The following PRIMA1 variants were observed in gnomAD, a reference collection of about 807,000 sequenced individuals.
PRIMA1 encodes the protein proline rich membrane anchor 1.
A neutral mutation model predicts 17.5 loss-of-function variants in PRIMA1; 7 were observed. That is an observed-to-expected ratio of 0.40 (90% CI 0.23 to 0.75). PRIMA1 has a LOEUF of 0.75. Among genes scored for constraint, PRIMA1 ranks in the 30% least tolerant of loss-of-function variants. The pLI is 0.37. For synonymous variants in PRIMA1, 97 were observed against 77.9 expected, an observed-to-expected ratio of 1.25 and a Z score of -1.29; for missense variants, 200 against 201.8, an observed-to-expected ratio of 0.99 and a Z score of 0.05.
intron 3 of PRIMA1, among the ~76,000 whole-genome samples, chr14:93,766,692 T>A (rs768693170): frequency 6.6e-6 from 1 of 152,078 alleles, no homozygotes; most frequent in Non-Finnish European, 1.5e-5. Context: ...TCCTCAGCCC[T>A]GAAGGTGAAT....
intron 3 of PRIMA1, among the ~76,000 whole-genome samples, chr14:93,742,839 G>C (rs958833743): frequency 9.2e-5 from 14 of 152,286 alleles, no homozygotes; most frequent in Admixed American, 6.5e-4. Context: ...TCCCCTTTCA[G>C]AAGTGGAGAA....
In PRIMA1 at chr14:93,720,571, T is replaced by G. The variant is rs1202331444; in HGVS notation, c.*873A>C. The stretch of plus-strand genomic sequence containing the variant: ...CTGGTACAGCAGGCCCACAGTGGAT[T>G]TGGCACAAGTAGTGGCCTCTGCTGA... On this transcript the variant is annotated 3_prime_UTR_variant, in exon 5 of 5. Transcript: ENST00000393140. 1 of 152,956 alleles carries G rather than the reference T, an allele frequency of 6.5e-6. No homozygotes were observed. Among genetic ancestry groups the G allele is most frequent in the East Asian group, 1.9e-4 (1 of 5,198 alleles). The allele number at this position is 152,956 out of a possible 1,614,324, so 9.5% of individuals were successfully genotyped here.
rs2076018647 is a variant in PRIMA1, at chr14:93,718,644, T to C, written c.*2800A>G. The C allele has an allele frequency of 1.3e-5, 2 of 152,068 alleles. No individual in the cohort carries two copies. Among genetic ancestry groups the C allele is most frequent in the South Asian group, 4.2e-4 (2 of 4,814 alleles). The allele number at this position is 152,068 out of a possible 1,614,324, so 9.4% of individuals were successfully genotyped here. Reference sequence around the variant, plus strand: ...TACAGTAGTTGTATTTATATATATATATATATGTAGAGATCTCTTTAAATA... The same window carrying C: ...TACAGTAGTTGTATTTATATATATACATATATGTAGAGATCTCTTTAAATA... On this transcript the variant is annotated 3_prime_UTR_variant, in exon 5 of 5. Transcript: ENST00000393140.
intron 3 of PRIMA1, among the ~76,000 whole-genome samples, chr14:93,761,988 C>T (rs910985147): frequency 1.3e-5 from 2 of 152,230 alleles, no homozygotes; most frequent in African/African-American, 4.8e-5. Context: ...ACACCCCTCA[C>T]ATGGTATTGC....
intron 3 of PRIMA1, among the ~76,000 whole-genome samples, chr14:93,755,202 T>A (rs1282365901): frequency 6.6e-6 from 1 of 152,228 alleles, no homozygotes; most frequent in Non-Finnish European, 1.5e-5. Context: ...GATTCCCATG[T>A]ATCTTTCAAG....
chr14:93,738,757 C>T (rs1000786244), intron 3 of PRIMA1, among the ~76,000 whole-genome samples: 4 of 152,158 alleles, frequency 2.6e-5, no homozygotes, highest in African/African-American at 9.7e-5. Flanking sequence ...CAGTGGAAGC[C>T]GCACCTTCAG....
At chr14:93,732,850 A>G (rs1219726051) in intron 4 of PRIMA1, among the ~76,000 whole-genome samples, 2 of 152,174 alleles carry the variant, frequency 1.3e-5, no homozygotes, top group Non-Finnish European at 2.9e-5. Flanking sequence ...TGGGAAGGGA[A>G]CAGGCCTGGG....
At chr14:93,765,484 G>A (rs891272010) in intron 3 of PRIMA1, among the ~76,000 whole-genome samples, 6 of 150,118 alleles carry the variant, frequency 4.0e-5, no homozygotes, top group Admixed American at 2.0e-4. Context: ...CCTTGGCAGA[G>A]TGGCCACCCT....
At chr14:93,748,834 T>G (rs1295388147) in intron 3 of PRIMA1, among the ~76,000 whole-genome samples, 1 of 152,008 alleles carries the variant, frequency 6.6e-6, no homozygotes, top group Non-Finnish European at 1.5e-5. Flanking sequence ...TATTAATAAT[T>G]GTCTCCATCA....
intron 3 of PRIMA1, among the ~76,000 whole-genome samples, chr14:93,763,880 G>A (rs1005897356): frequency 4.6e-5 from 7 of 151,892 alleles, no homozygotes; most frequent in Non-Finnish European, 5.9e-5. Context: ...GGGCTAGCCC[G>A]GGCCTCTGTC....
intron 3 of PRIMA1, among the ~76,000 whole-genome samples, chr14:93,741,954 C>A (rs12887540): frequency 1.3e-3 from 196 of 152,276 alleles, no homozygotes; most frequent in African/African-American, 4.6e-3. Flanking sequence ...ACACTCCTGA[C>A]GCCTGTAAAG....
intron 4 of PRIMA1, 71 bp downstream of exon 4, chr14:93,737,170 G>A (rs1290289266): frequency 2.7e-6 from 4 of 1,456,942 alleles, no homozygotes; most frequent in Middle Eastern, 1.8e-4. Flanking sequence ...GATACGGGAT[G>A]TGTGTAGGAG....
At chr14:93,747,794 G>A (rs1257340060) in intron 3 of PRIMA1, among the ~76,000 whole-genome samples, 1 of 43,978 alleles carries the variant, frequency 2.3e-5, no homozygotes, top group Non-Finnish European at 6.7e-5. Flanking sequence ...GTATGTGAGA[G>A]TGTAAGGGGA....
At chr14:93,754,620 ACTT>A (rs2076279929) in intron 3 of PRIMA1, among the ~76,000 whole-genome samples, 1 of 152,134 alleles carries the variant, frequency 6.6e-6, no homozygotes, top group Admixed American at 6.6e-5. Flanking sequence ...AGGGAATTAA[ACTT>A]CTCGGCAAGG....
chr14:93,737,015 AAAAGATC>A (rs2076153901), intron 4 of PRIMA1, among the ~76,000 whole-genome samples: 1 of 152,246 alleles, frequency 6.6e-6, no homozygotes, highest in Admixed American at 6.5e-5. Context: ...TCGGCAATGA[AAAAGATC>A]AAAGGAAAAA....
At chr14:93,721,583 G>T (rs760113717) in intron 4 of PRIMA1, 37 bp from the exon 5 acceptor site, 2 of 1,251,528 alleles carry the variant, frequency 1.6e-6, no homozygotes, top group Non-Finnish European at 2.3e-6. Flanking sequence ...AGGCAAAGGA[G>T]GGGGAGGCAG....
At chr14:93,755,503 G>A (rs1192274596) in intron 3 of PRIMA1, among the ~76,000 whole-genome samples, 1 of 152,174 alleles carries the variant, frequency 6.6e-6, no homozygotes, top group Non-Finnish European at 1.5e-5. Flanking sequence ...AGGAAAACCA[G>A]AGCCGAGTAG....
intron 3 of PRIMA1, among the ~76,000 whole-genome samples, chr14:93,766,648 T>C (rs2141183910): frequency 6.6e-6 from 1 of 152,270 alleles, no homozygotes; most frequent in South Asian, 2.1e-4. Context: ...ACACAGAGAA[T>C]TCAACAAACC....
chr14:93,747,973 G>A (rs2076234253), intron 3 of PRIMA1, among the ~76,000 whole-genome samples: 1 of 150,684 alleles, frequency 6.6e-6, no homozygotes, highest in Non-Finnish European at 1.5e-5. Context: ...ATAAGTGTGT[G>A]AGTATGAGTT....
Sources: gnomAD v4.1 joint callset for allele counts (sites outside exome capture counted in the v4.1 genomes callset) on GRCh38, gnomAD v4.1.1 for gene constraint, MANE v1.5 for transcripts, NCBI Gene and HGNC (gene_info 2026-07-23, HGNC 2026-07-21) for gene names.